Variants in NLRP5 observed in about 807,000 individuals in gnomAD.
NLRP5 encodes NACHT, LRR and PYD domains-containing protein 5.
NLRP5 carries 93 observed loss-of-function variants against 113.1 expected under a neutral mutation model. That is an observed-to-expected ratio of 0.82 (90% CI 0.70 to 0.98). The LOEUF (loss-of-function observed/expected upper bound fraction) is 0.98, where lower values mean the gene tolerates loss of function less well. Ranked by LOEUF, NLRP5 falls within the 50% of genes least tolerant of loss-of-function variation. The pLI is 0.00. For missense variants in NLRP5, 1,808 were observed against 1,514.3 expected (o/e 1.19, Z -3.22); for synonymous variants, 751 against 600.7 (o/e 1.25, Z -3.66).
Position 56,050,501 on chromosome 19 carries a change from G to T in NLRP5, c.3041G>T (p.Ser1014Ile). Residue 1014 changes from serine (S) to isoleucine (I), a missense_variant, in exon 12 of 15, where the codon AGC becomes ATC. Coordinates refer to ENST00000390649, the MANE Select transcript of NLRP5 (RefSeq NM_153447.4). ...GGTAACTCATGGCTGACGCACCTGAGCCTTAGCATGAACCCTGTGGAAGAC... is the reference window on the plus strand; with the variant it reads ...GGTAACTCATGGCTGACGCACCTGATCCTTAGCATGAACCCTGTGGAAGAC... 6.2e-7 allele frequency: 1 copy of T among 1,613,910 alleles called. No homozygotes were observed. The highest frequency in any genetic ancestry group is 8.5e-7 in the Non-Finnish European group (1 of 1,179,864).
chr19:55,994,938 G>C (rs1981278005), upstream of NLRP5, among the ~76,000 whole-genome samples: 1 of 150,724 alleles, frequency 6.6e-6, no homozygotes, highest in Non-Finnish European at 1.5e-5. Context: ...TGAGAGACAG[G>C]GGTCTAGTTT....
In NLRP5 at chr19:56,046,399, C is replaced by CGTGTGTGTGTGTGTGTGTGT. The variant is rs139653516; in HGVS notation, c.2958-4014_2958-3995dup. Among the ~76,000 whole-genome samples, 492 of 148,156 alleles carry CGTGTGTGTGTGTGTGTGTGT rather than the reference C, an allele frequency of 3.3e-3. 4 individuals are homozygous for CGTGTGTGTGTGTGTGTGTGT. The highest frequency in any genetic ancestry group is 0.011 in the Middle Eastern group (3 of 284). On this transcript the variant is annotated intron_variant, in intron 11 of 14. Transcript: ENST00000390649. Reference sequence around the variant, plus strand: ...CATCAAGGATATTGCTTTGTAGTTTCGTGTGTGTGTGTGTGTGTGTGTGTT... The same window carrying CGTGTGTGTGTGTGTGTGTGT: ...CATCAAGGATATTGCTTTGTAGTTTCGTGTGTGTGTGTGTGTGTGTGTGTGTGTGTGTGTGTGTGTGTGTT...
intron 11 of NLRP5, among the ~76,000 whole-genome samples, chr19:56,050,097 T>C (rs113942299): frequency 0.044 from 6,671 of 151,922 alleles, 223 homozygotes; most frequent in African/African-American, 0.093. Flanking sequence ...CTGGTCAACA[T>C]CGTAAAACCC....
chr19:56,033,565 C>T lies in NLRP5; in HGVS notation c.2471C>T (p.Pro824Leu), dbSNP rs1568494248. Residue 824 changes from proline to leucine, a missense_variant, in exon 9 of 15, where the codon CCT becomes CTT. Pro to Leu is a moderately conservative substitution (Grantham distance 98). Coordinates refer to ENST00000390649, the MANE Select transcript of NLRP5 (RefSeq NM_153447.4). ...AGGTTTAGAAATGCACAGATTACCC[C>T]TGGTGTGCAGCACCTCTGGAGAATC... 1 of 1,613,706 alleles carries T rather than the reference C, an allele frequency of 6.2e-7. No individual in the cohort carries two copies. Among genetic ancestry groups the T allele is most frequent in the Non-Finnish European group, 8.5e-7 (1 of 1,179,662 alleles).
intron 4 of NLRP5, among the ~76,000 whole-genome samples, chr19:56,018,002 T>C (rs990820548): frequency 1.3e-5 from 2 of 152,222 alleles, no homozygotes; most frequent in African/African-American, 4.8e-5. Context: ...GAAGATCATA[T>C]GGTCTCTACC....
intron 12 of NLRP5, among the ~76,000 whole-genome samples, chr19:56,052,953 C>A (rs1343029847): frequency 2.0e-5 from 3 of 152,202 alleles, no homozygotes; most frequent in African/African-American, 7.2e-5. Flanking sequence ...TACCTTTAGC[C>A]AGGTGTGGTG....
At chr19:56,026,161 C>T (rs1982836040) in intron 6 of NLRP5, among the ~76,000 whole-genome samples, 1 of 152,032 alleles carries the variant, frequency 6.6e-6, no homozygotes, top group South Asian at 2.1e-4. Flanking sequence ...AAACAAGACC[C>T]ATGTCTGGAG....
At chr19:56,041,787 AAAATACAAAAAATTAGCCG>A (rs1162816319) in intron 11 of NLRP5, among the ~76,000 whole-genome samples, 1 of 152,114 alleles carries the variant, frequency 6.6e-6, no homozygotes, top group Non-Finnish European at 1.5e-5. Context: ...ATCTCTACTA[AAAATACAAAAAATTAGCCG>A]GGTGTGGTGG....
chr19:56,031,565 A>AG (rs1983114524), intron 7 of NLRP5, among the ~76,000 whole-genome samples: 2 of 146,312 alleles, frequency 1.4e-5, no homozygotes, highest in Admixed American at 1.4e-4. Flanking sequence ...TGGGAGGCAG[A>AG]GGTTGCAGTG....
intron 12 of NLRP5, 119 bp from the exon 13 acceptor site, chr19:56,053,519 C>G: frequency 4.6e-6 from 4 of 876,642 alleles, no homozygotes; most frequent in Non-Finnish European, 5.2e-6. Context: ...CAGGAGTGGA[C>G]AAAACAGTGG....
chr19:56,013,335 G>C lies in NLRP5; in HGVS notation c.509-2407G>C, dbSNP rs146716689. ...AGCCTCCTGAGTAGCTGGGACTACA[G>C]GTGCCTACCACTACACCCAGCTAAT... On this transcript the variant is annotated intron_variant, in intron 3 of 14. Transcript: ENST00000390649. Among the ~76,000 whole-genome samples, 1,405 of 152,106 alleles carry C rather than the reference G, an allele frequency of 9.2e-3. 40 individuals carry two copies. The highest frequency in any genetic ancestry group is 0.067 in the East Asian group (348 of 5,168).
intron 6 of NLRP5, 65 bp from the exon 7 acceptor site, chr19:56,026,848 T>C: frequency 5.4e-6 from 8 of 1,481,174 alleles, no homozygotes; most frequent in Non-Finnish European, 7.3e-6. Context: ...AGTGCTGGGA[T>C]GACAGGTGCG....
rs59172979 is a variant in NLRP5 at position 56,022,185 on chromosome 19, C to T, written c.679+1754C>T. 8.8e-3 allele frequency among the ~76,000 whole-genome samples: 1,346 copies of T among 152,258 alleles called. 27 individuals are homozygous for T. The highest frequency in any genetic ancestry group is 0.03 in the African/African-American group (1,250 of 41,552). On this transcript the variant is annotated intron_variant, in intron 6 of 14. Coordinates refer to ENST00000390649, the MANE Select transcript of NLRP5 (RefSeq NM_153447.4). ...TCTCCACATTTTGATTGTCAAGACA[C>T]CTTCACGCTAACCTAGTAAGGGGAG...
intron 7 of NLRP5, among the ~76,000 whole-genome samples, 156 bp downstream of exon 7, chr19:56,028,665 G>C (rs543341576): frequency 6.6e-6 from 1 of 152,138 alleles, no homozygotes; most frequent in Non-Finnish European, 1.5e-5. Flanking sequence ...TGCCAGGACC[G>C]GAATCTGGCT....
At chr19:56,010,048 G>C (rs1265940342) in intron 3 of NLRP5, among the ~76,000 whole-genome samples, 1 of 152,174 alleles carries the variant, frequency 6.6e-6, no homozygotes, top group Non-Finnish European at 1.5e-5. Flanking sequence ...TAAACACACA[G>C]AGTAACCTTG....
At position 56,054,567 on chromosome 19, in the gene NLRP5, G is replaced by GA. The variant is rs10537523; in HGVS notation, c.3299+776dup. Among the ~76,000 whole-genome samples, 1,338 of 139,126 alleles carry GA rather than the reference G, an allele frequency of 9.6e-3. 20 individuals are homozygous for GA. Among genetic ancestry groups the GA allele is most frequent in the African/African-American group, 0.034 (1,262 of 36,872 alleles). The allele number at this position is 139,126 out of a possible 152,430, so 91.3% of individuals were successfully genotyped here. A position where few individuals can be genotyped will look rare whatever the true frequency, so the allele number is the denominator to read the frequency against. ...AGTGAGACTCCATCTCAAAAAAAGT[G>GA]AAAAAAAAAAAAAAAAACGTGCTGA... On this transcript the variant is annotated intron_variant, in intron 13 of 14. Coordinates refer to ENST00000390649, the MANE Select transcript of NLRP5 (RefSeq NM_153447.4).
chr19:55,999,757 C>A lies in NLRP5; in HGVS notation c.32C>A (p.Ala11Asp). The A allele has an allele frequency of 6.2e-7, 1 of 1,613,566 alleles. No homozygotes were observed. ...GTTGCAGGAGGACTTGAACTTGGAG[C>A]TGCTGCTCTGCTCTCAGCATCACCA... Residue 11 changes from alanine (A) to aspartate (D), a missense_variant, in exon 1 of 15, where the codon GCT becomes GAT. Transcript: ENST00000390649.
intron 6 of NLRP5, among the ~76,000 whole-genome samples, chr19:56,025,530 C>T (rs1384845194): frequency 2.0e-5 from 3 of 152,028 alleles, no homozygotes; most frequent in African/African-American, 4.8e-5. Context: ...CTCAGCCTCC[C>T]GAGTAGCTGG....
Position 56,044,015 on chromosome 19 carries a change from C to T in NLRP5, c.2957+2923C>T, listed in dbSNP as rs187938850. Among the ~76,000 whole-genome samples, 601 of 149,878 alleles carry T rather than the reference C, an allele frequency of 4.0e-3. 4 individuals carry two copies. Among genetic ancestry groups the T allele is most frequent in the Non-Finnish European group, 6.7e-3 (454 of 67,308 alleles). On this transcript the variant is annotated intron_variant, in intron 11 of 14. Coordinates refer to ENST00000390649, the MANE Select transcript of NLRP5 (RefSeq NM_153447.4). ...TAAGCCAATGTCTCGAAGGGTTTTT[C>T]CCATGTTATCTTCTAGAATTTTTAG...
Sources: allele counts gnomAD v4.1 joint callset (sites outside exome capture counted in the v4.1 genomes callset), GRCh38; gene constraint gnomAD v4.1.1; transcripts MANE v1.5; gene names NCBI Gene and HGNC (gene_info 2026-07-23, HGNC 2026-07-21).